Variants in ZNF385C observed in about 807,000 individuals in gnomAD.
ZNF385C encodes zinc finger protein 385C.
In ZNF385C, 28 loss-of-function variants were observed where a neutral mutation model predicts 35.4. The ratio of observed to expected loss-of-function variants is 0.79; its 90% CI spans 0.59 to 1.08. ZNF385C has a LOEUF of 1.08. ZNF385C is among the 50% of genes least tolerant of loss of function. The probability of loss-of-function intolerance (pLI) is 0.00; values close to 1 mark genes in which losing one functional copy is unlikely to be tolerated. For synonymous variants in ZNF385C, 248 were observed against 248.2 expected (o/e 1.00, Z 0.01); for missense variants, 605 against 595.6 (o/e 1.02, Z -0.16).
chr17:42,089,191 C>CTA (rs1166725590), intron 1 of ZNF385C, among the ~76,000 whole-genome samples: 1 of 152,032 alleles, frequency 6.6e-6, no homozygotes, highest in East Asian at 1.9e-4. Context: ...TGGTGCACAC[C>CTA]TATAGTCCCA....
intron 2 of ZNF385C, among the ~76,000 whole-genome samples, chr17:42,051,364 G>C (rs1310839442): frequency 1.3e-5 from 2 of 152,038 alleles, no homozygotes; most frequent in Admixed American, 6.5e-5. Flanking sequence ...CCCTCATCCC[G>C]GTCTGCGTTA....
chr17:42,038,306 C>A, intron 2 of ZNF385C: 1 of 498,268 alleles, frequency 2.0e-6, no homozygotes. Context: ...AGCCCTCGCC[C>A]CTCTCACTCT....
chr17:42,089,793 G>A (rs533756844), intron 1 of ZNF385C, among the ~76,000 whole-genome samples: 1 of 152,252 alleles, frequency 6.6e-6, no homozygotes, highest in South Asian at 2.1e-4. Context: ...AATCGATGCC[G>A]ATGAAAACAG....
intron 1 of ZNF385C, among the ~76,000 whole-genome samples, chr17:42,069,116 A>G (rs1294554357): frequency 3.9e-5 from 6 of 152,116 alleles, no homozygotes; most frequent in African/African-American, 1.4e-4. Context: ...CTTCCCTGAG[A>G]GATGGGCTGA....
At chr17:42,063,469 A>G (rs2053496403) in intron 1 of ZNF385C, among the ~76,000 whole-genome samples, 2 of 152,242 alleles carry the variant, frequency 1.3e-5, no homozygotes, top group African/African-American at 4.8e-5. Context: ...CGGAGGTTGC[A>G]GTGAGCCAAG....
chr17:42,052,771 T>C (rs1555657234), intron 2 of ZNF385C, among the ~76,000 whole-genome samples: 1 of 152,096 alleles, frequency 6.6e-6, no homozygotes, highest in East Asian at 1.9e-4. Flanking sequence ...GAGACCGGTG[T>C]GCACACACAC....
At chr17:42,079,676 C>A (rs1251135955) in intron 1 of ZNF385C, among the ~76,000 whole-genome samples, 1 of 151,622 alleles carries the variant, frequency 6.6e-6, no homozygotes, top group African/African-American at 2.4e-5. Flanking sequence ...CCCATCACCC[C>A]CCAAAAAAAA....
intron 2 of ZNF385C, among the ~76,000 whole-genome samples, chr17:42,055,755 A>T (rs1486706203): frequency 6.6e-6 from 1 of 152,092 alleles, no homozygotes; most frequent in Non-Finnish European, 1.5e-5. Flanking sequence ...CAAGCCAGTG[A>T]CTCAGGCGTG....
chr17:42,096,923 C>T (rs1170711494), intron 1 of ZNF385C, among the ~76,000 whole-genome samples: 4 of 151,168 alleles, frequency 2.6e-5, no homozygotes, highest in African/African-American at 4.9e-5. Context: ...GGGCAGGTTC[C>T]CCCTGGTAGG....
intron 1 of ZNF385C, among the ~76,000 whole-genome samples, chr17:42,078,767 T>G (rs1598202986): frequency 6.7e-6 from 1 of 150,280 alleles, no homozygotes; most frequent in African/African-American, 2.5e-5. Flanking sequence ...TCCCTGGGGG[T>G]GGCCTCAGGG....
chr17:42,077,618 G>A (rs919037976), intron 1 of ZNF385C, among the ~76,000 whole-genome samples: 1 of 152,214 alleles, frequency 6.6e-6, no homozygotes, highest in Admixed American at 6.5e-5. Context: ...AAGGGCCCCA[G>A]CTGAAGCAAA....
chr17:42,046,620 A>T (rs1555656644), intron 2 of ZNF385C, among the ~76,000 whole-genome samples: 1 of 151,854 alleles, frequency 6.6e-6, no homozygotes, highest in African/African-American at 2.4e-5. Context: ...AATAGATAAA[A>T]TTTTAAACTA....
At chr17:42,044,471 G>A (rs1382586817) in intron 2 of ZNF385C, among the ~76,000 whole-genome samples, 3 of 151,664 alleles carry the variant, frequency 2.0e-5, no homozygotes, top group Admixed American at 1.3e-4. Context: ...AACAAAATTA[G>A]TTGGCATGGT....
At chr17:42,027,203 C>T (rs2052603428) in intron 8 of ZNF385C, 70 bp from the exon 9 acceptor site, 2 of 1,411,220 alleles carry the variant, frequency 1.4e-6, no homozygotes, top group African/African-American at 1.4e-5. Context: ...TGGGGCCCAT[C>T]CTCAAGCTTT....
In ZNF385C at chr17:42,040,027, A is replaced by C. The variant is rs535263309; in HGVS notation, c.251-2142T>G. On this transcript the variant is annotated intron_variant, in intron 2 of 8. Coordinates refer to ENST00000692273, the MANE Select transcript of ZNF385C (RefSeq NM_001392013.1). ...CCGCGGGCCGAGCCGCCCAAGGCCG[A>C]ATACTACGCGCTTAAACAGCGCGAA... 3.0e-5 allele frequency: 37 copies of C among 1,231,064 alleles called. No homozygotes were observed. The Admixed American group carries it at 5.1e-4, about 17-fold the overall frequency. 76.3% of individuals were successfully genotyped at this position (1,231,064 alleles called of 1,614,324 possible). A position where few individuals can be genotyped will look rare whatever the true frequency, so the allele number is the denominator to read the frequency against.
At chr17:42,045,228 T>G (rs1555656525) in intron 2 of ZNF385C, among the ~76,000 whole-genome samples, 4 of 152,104 alleles carry the variant, frequency 2.6e-5, no homozygotes, top group African/African-American at 9.7e-5. Flanking sequence ...ATTTTTTATA[T>G]TTTTAGTAGA....
intron 2 of ZNF385C, chr17:42,041,273 A>G: frequency 8.6e-7 from 1 of 1,157,554 alleles, no homozygotes; most frequent in Non-Finnish European, 1.1e-6. Flanking sequence ...GGGGTGGTGG[A>G]AAGAGCCCAG....
chr17:42,077,245 C>T (rs2053695799), intron 1 of ZNF385C, among the ~76,000 whole-genome samples: 1 of 152,198 alleles, frequency 6.6e-6, no homozygotes, highest in South Asian at 2.1e-4. Context: ...CTCTGAGCTT[C>T]AGTTTCCTTA....
chr17:42,066,217 T>A lies in ZNF385C; in HGVS notation c.-2-3159A>T, dbSNP rs538045808. On this transcript the variant is annotated intron_variant, in intron 1 of 8. Coordinates refer to ENST00000692273, the MANE Select transcript of ZNF385C (RefSeq NM_001392013.1). ...TGGGACTACAGGCGCGTGCCACCAC[T>A]CCCAGCTAATTTTTGTATTTTTAGT... is the stretch of plus-strand genomic sequence containing the variant. Among the ~76,000 whole-genome samples the A allele has an allele frequency of 5.9e-5, 9 of 152,154 alleles. No individual in the cohort carries two copies. The East Asian group carries it at 1.6e-3, about 26-fold the overall frequency.
Sources: allele counts gnomAD v4.1 joint callset (sites outside exome capture counted in the v4.1 genomes callset), GRCh38; gene constraint gnomAD v4.1.1; transcripts MANE v1.5; gene names NCBI Gene and HGNC (gene_info 2026-07-23, HGNC 2026-07-21).